Variants in SORCS3 observed in about 807,000 individuals in gnomAD.
SORCS3 encodes the protein sortilin related VPS10 domain containing receptor 3.
SORCS3 carries 57 observed loss-of-function variants against 146.3 expected under a neutral mutation model. The ratio of observed to expected loss-of-function variants is 0.39; its 90% CI spans 0.31 to 0.49. The LOEUF (loss-of-function observed/expected upper bound fraction) is 0.49, where lower values mean the gene tolerates loss of function less well. Among genes scored for constraint, SORCS3 ranks in the 20% least tolerant of loss-of-function variants. The pLI, the probability that SORCS3 is intolerant of heterozygous loss-of-function variation, is 0.92. For missense variants in SORCS3, 1,341 were observed against 1,575.5 expected (o/e 0.85, Z 2.52); for synonymous variants, 653 against 618.5 (o/e 1.06, Z -0.83).
intron 13 of SORCS3, among the ~76,000 whole-genome samples, chr10:105,170,555 C>T (rs1011062344): frequency 6.6e-6 from 1 of 152,170 alleles, no homozygotes; most frequent in African/African-American, 2.4e-5. Flanking sequence ...ATGGCATTAT[C>T]CCATTTATAG....
intron 2 of SORCS3, among the ~76,000 whole-genome samples, chr10:104,884,500 G>T (rs2133578088): frequency 6.6e-6 from 1 of 152,328 alleles, no homozygotes; most frequent in African/African-American, 2.4e-5. Context: ...GCCAGGGAAA[G>T]GATGCAGTCA....
At chr10:105,193,036 G>A (rs2056525259) in intron 14 of SORCS3, among the ~76,000 whole-genome samples, 1 of 152,108 alleles carries the variant, frequency 6.6e-6, no homozygotes, top group South Asian at 2.1e-4. Flanking sequence ...TTAATGAGTA[G>A]CTAACCCTCT....
intron 5 of SORCS3, 89 bp from the exon 6 acceptor site, chr10:105,089,685 TC>T (rs2055687998): frequency 1.0e-6 from 1 of 982,938 alleles, no homozygotes; most frequent in African/African-American, 1.6e-5. Context: ...AAAATGGATT[TC>T]TGAGTAGCAG....
intron 3 of SORCS3, among the ~76,000 whole-genome samples, chr10:104,973,190 G>C (rs1202807472): frequency 9.4e-4 from 142 of 151,456 alleles, no homozygotes; most frequent in African/African-American, 3.4e-3. Flanking sequence ...GCTTTGGTAT[G>C]AGGATGATGC....
chr10:105,244,898 A>G (rs897084109), intron 20 of SORCS3, among the ~76,000 whole-genome samples: 4 of 151,948 alleles, frequency 2.6e-5, no homozygotes, highest in African/African-American at 4.8e-5. Context: ...GTGAAACCCC[A>G]TCTCCACTAA....
chr10:104,858,499 G>A (rs1374103767), intron 2 of SORCS3, among the ~76,000 whole-genome samples: 1 of 152,142 alleles, frequency 6.6e-6, no homozygotes, highest in Non-Finnish European at 1.5e-5. Context: ...ATGTTCTGGT[G>A]CATATCTCGA....
chr10:104,714,183 G>A (rs1281253086), intron 1 of SORCS3, among the ~76,000 whole-genome samples: 1 of 150,914 alleles, frequency 6.6e-6, no homozygotes, highest in Non-Finnish European at 1.5e-5. Flanking sequence ...CATTTTTATT[G>A]ATCTTTTCAA....
At chr10:105,121,309 A>G in intron 7 of SORCS3, among the ~76,000 whole-genome samples, 1 of 152,320 alleles carries the variant, frequency 6.6e-6, no homozygotes, top group South Asian at 2.1e-4. Flanking sequence ...TTTATTTAAT[A>G]AAACTTTAAT....
chr10:104,944,230 A>G (rs2019347606), intron 3 of SORCS3, among the ~76,000 whole-genome samples: 1 of 152,232 alleles, frequency 6.6e-6, no homozygotes, highest in Admixed American at 6.5e-5. Flanking sequence ...TGGATTGCAG[A>G]TATGACTATT....
chr10:105,207,193 G>C (rs1028448688), intron 16 of SORCS3, among the ~76,000 whole-genome samples: 29 of 151,930 alleles, frequency 1.9e-4, no homozygotes, highest in African/African-American at 6.5e-4. Context: ...TCCTCTTTTT[G>C]CTTTTCTTTT....
chr10:104,760,091 C>G (rs1297956839), intron 1 of SORCS3, among the ~76,000 whole-genome samples: 1 of 152,152 alleles, frequency 6.6e-6, no homozygotes, highest in East Asian at 1.9e-4. Flanking sequence ...GGGGGAAGAG[C>G]AAAGTGCAAA....
chr10:104,743,123 G>A (rs569201554), intron 1 of SORCS3, among the ~76,000 whole-genome samples: 2 of 152,248 alleles, frequency 1.3e-5, no homozygotes, highest in East Asian at 3.9e-4. Flanking sequence ...AGATGAAAAT[G>A]CACTATACAA....
At chr10:105,245,463 C>A in intron 20 of SORCS3, 79 bp from the exon 21 acceptor site, 1 of 1,523,610 alleles carries the variant, frequency 6.6e-7, no homozygotes, top group Non-Finnish European at 8.9e-7. Flanking sequence ...GTTAGGATGA[C>A]AGTCTGAGAG....
intron 22 of SORCS3, among the ~76,000 whole-genome samples, chr10:105,248,854 A>G (rs2056882851): frequency 6.6e-6 from 1 of 152,224 alleles, no homozygotes; most frequent in Non-Finnish European, 1.5e-5. Context: ...TTGAGAGACC[A>G]AAAGAAGCTT....
Position 104,715,816 on chromosome 10 carries a change from G to C in SORCS3, c.627+73862G>C, listed in dbSNP as rs1258436523. ...CACTAGGATTATTGCAGTAGCCTTAGATCTATTCTCCCTGATTTCAGCCTT... is the reference window on the plus strand; with the variant it reads ...CACTAGGATTATTGCAGTAGCCTTACATCTATTCTCCCTGATTTCAGCCTT... On this transcript the variant is annotated intron_variant, in intron 1 of 26. Coordinates refer to ENST00000369701, the MANE Select transcript of SORCS3 (RefSeq NM_014978.3). 2.6e-5 allele frequency among the ~76,000 whole-genome samples: 4 copies of C among 152,188 alleles called. No homozygotes were observed. The East Asian group carries it at 7.7e-4, about 29-fold the overall frequency.
At chr10:104,780,744 G>T (rs1484759300) in intron 1 of SORCS3, among the ~76,000 whole-genome samples, 1 of 152,188 alleles carries the variant, frequency 6.6e-6, no homozygotes, top group Non-Finnish European at 1.5e-5. Context: ...CCCTAGAGTT[G>T]TTCACAACTG....
intron 4 of SORCS3, among the ~76,000 whole-genome samples, chr10:105,002,291 C>G (rs975514536): frequency 6.6e-6 from 1 of 152,188 alleles, no homozygotes; most frequent in East Asian, 1.9e-4. Context: ...CTCAACCTAG[C>G]TGGAGGTGAC....
At chr10:104,740,166 C>T (rs2016824552) in intron 1 of SORCS3, among the ~76,000 whole-genome samples, 1 of 152,214 alleles carries the variant, frequency 6.6e-6, no homozygotes, top group Non-Finnish European at 1.5e-5. Flanking sequence ...ATTTTTATTA[C>T]ATAAAACTGA....
At chr10:104,917,005 C>T (rs1332995848) in intron 3 of SORCS3, among the ~76,000 whole-genome samples, 1 of 152,194 alleles carries the variant, frequency 6.6e-6, no homozygotes, top group Admixed American at 6.5e-5. Flanking sequence ...CATCCATAGA[C>T]TTTCTCCTCA....
Sources: allele counts gnomAD v4.1 joint callset (sites outside exome capture counted in the v4.1 genomes callset), GRCh38; gene constraint gnomAD v4.1.1; transcripts MANE v1.5; gene names NCBI Gene and HGNC (gene_info 2026-07-23, HGNC 2026-07-21).